Variants in GRM8 observed in about 807,000 individuals in gnomAD.
GRM8 encodes glutamate metabotropic receptor 8, also known as metabotropic glutamate receptor 8.
In GRM8, 47 loss-of-function variants were observed where a neutral mutation model predicts 87.2. The observed-to-expected ratio is 0.54, with a 90% confidence interval of 0.43 to 0.69. GRM8 has a LOEUF of 0.69. Among genes scored for constraint, GRM8 ranks in the 30% least tolerant of loss-of-function variants. The probability of loss-of-function intolerance (pLI) is 0.00; values close to 1 mark genes in which losing one functional copy is unlikely to be tolerated. For missense variants in GRM8, 1,019 were observed against 1,139.2 expected (o/e 0.89, Z 1.52); for synonymous variants, 396 against 404.5 (o/e 0.98, Z 0.25).
intron 3 of GRM8, among the ~76,000 whole-genome samples, chr7:126,956,716 G>A (rs1808723972): frequency 6.6e-6 from 1 of 152,074 alleles, no homozygotes. Context: ...TTATTAACCT[G>A]ACAGGAACAT....
intron 6 of GRM8, among the ~76,000 whole-genome samples, chr7:126,773,071 G>A (rs79958697): frequency 0.031 from 4,681 of 152,034 alleles, 231 homozygotes; most frequent in African/African-American, 0.11. Context: ...GGAGGGAAAG[G>A]AGGATGCAGC....
intron 7 of GRM8, among the ~76,000 whole-genome samples, chr7:126,613,658 A>G (rs531266043): frequency 6.6e-6 from 1 of 152,314 alleles, no homozygotes; most frequent in African/African-American, 2.4e-5. Flanking sequence ...CGGCACCTGG[A>G]AAATCAGGTC....
chr7:126,602,963 G>A (rs1326225653), intron 8 of GRM8, among the ~76,000 whole-genome samples: 1 of 140,570 alleles, frequency 7.1e-6, no homozygotes, highest in African/African-American at 2.5e-5. Flanking sequence ...TATCCTTGAT[G>A]AACATTGATG....
chr7:126,598,013 T>G (rs574487643), intron 8 of GRM8, among the ~76,000 whole-genome samples: 45 of 152,114 alleles, frequency 3.0e-4, no homozygotes, highest in Admixed American at 5.2e-4. Flanking sequence ...ACACTAGAAC[T>G]CCTTCCTTCT....
At chr7:127,147,008 T>C (rs1828587888) in intron 2 of GRM8, among the ~76,000 whole-genome samples, 1 of 152,052 alleles carries the variant, frequency 6.6e-6, no homozygotes, top group African/African-American at 2.4e-5. Context: ...GGAAGCTCTT[T>C]GGTAGGCATT....
intron 8 of GRM8, among the ~76,000 whole-genome samples, chr7:126,551,773 T>C (rs1792615764): frequency 6.6e-6 from 1 of 152,102 alleles, no homozygotes. Context: ...AAAGGGAACG[T>C]AGCTAGCTTT....
intron 3 of GRM8, among the ~76,000 whole-genome samples, chr7:127,039,682 G>T: frequency 2.3e-5 from 2 of 85,494 alleles, no homozygotes; most frequent in Non-Finnish European, 5.2e-5. Context: ...GGGCAAGAGA[G>T]GGGAAGGGGA....
In GRM8 at chr7:127,229,472, G is replaced by T. The variant is rs915981635; in HGVS notation, c.510+13223C>A. On this transcript the variant is annotated intron_variant, in intron 2 of 10. Transcript: ENST00000339582. ...ATGCCTGGGCTACATGAATATAAAT[G>T]AAATAAAGCTATCCAAACTAAAAAA... 58 of 152,104 alleles carry T rather than the reference G, an allele frequency of 3.8e-4. 1 individual carries two copies. Among genetic ancestry groups the T allele is most frequent in the Admixed American group, 1.3e-4 (2 of 15,250 alleles). The allele number at this position is 152,104 out of a possible 1,614,324, so 9.4% of individuals were successfully genotyped here. A position where few individuals can be genotyped will look rare whatever the true frequency, so the allele number is the denominator to read the frequency against.
At chr7:126,633,370 TC>T (rs1801533406) in intron 7 of GRM8, among the ~76,000 whole-genome samples, 1 of 152,178 alleles carries the variant, frequency 6.6e-6, no homozygotes, top group South Asian at 2.1e-4. Context: ...TGTAGTTTCA[TC>T]TAAAAGATGT....
chr7:127,116,850 T>C (rs1389499240), intron 2 of GRM8, among the ~76,000 whole-genome samples: 1 of 152,148 alleles, frequency 6.6e-6, no homozygotes, highest in African/African-American at 2.4e-5. Context: ...CCCATGCATA[T>C]TACAAATAAT....
At chr7:126,668,893 TTTGGG>T (rs1449348979) in intron 7 of GRM8, among the ~76,000 whole-genome samples, 1 of 152,192 alleles carries the variant, frequency 6.6e-6, no homozygotes, top group Non-Finnish European at 1.5e-5. Flanking sequence ...TTGATGGACA[TTTGGG>T]TTGGTTCCAA....
At chr7:126,898,764 A>G (rs976846394) in intron 6 of GRM8, among the ~76,000 whole-genome samples, 2 of 152,192 alleles carry the variant, frequency 1.3e-5, no homozygotes, top group African/African-American at 2.4e-5. Flanking sequence ...CTTAGAAAAT[A>G]TGATTTTTTT....
intron 6 of GRM8, among the ~76,000 whole-genome samples, chr7:126,849,939 C>T (rs1174454251): frequency 6.6e-6 from 1 of 152,188 alleles, no homozygotes; most frequent in East Asian, 1.9e-4. Context: ...TTTGTCCAAT[C>T]AGTATAGAAA....
intron 2 of GRM8, among the ~76,000 whole-genome samples, chr7:127,210,710 C>T (rs990927794): frequency 6.6e-6 from 1 of 152,178 alleles, no homozygotes; most frequent in Non-Finnish European, 1.5e-5. Flanking sequence ...ATGGTCTTCA[C>T]CACCACCAGT....
intron 9 of GRM8, among the ~76,000 whole-genome samples, chr7:126,503,147 T>A (rs1809900134): frequency 6.6e-6 from 1 of 151,976 alleles, no homozygotes; most frequent in Non-Finnish European, 1.5e-5. Context: ...CTAGCCTTCA[T>A]CTTCTCCTGT....
At chr7:127,120,805 T>A (rs755473640) in intron 2 of GRM8, among the ~76,000 whole-genome samples, 48 of 152,322 alleles carry the variant, frequency 3.2e-4, no homozygotes, top group Non-Finnish European at 6.5e-4. Flanking sequence ...CATCTCCTGA[T>A]CATTAGAAAT....
chr7:127,045,532 T>TA (rs1462447823), intron 3 of GRM8, among the ~76,000 whole-genome samples: 2 of 152,198 alleles, frequency 1.3e-5, no homozygotes, highest in African/African-American at 4.8e-5. Flanking sequence ...GTATTCTACA[T>TA]ACAGTCATAA....
chr7:126,980,103 G>A (rs1372350529), intron 3 of GRM8, among the ~76,000 whole-genome samples: 1 of 152,156 alleles, frequency 6.6e-6, no homozygotes, highest in African/African-American at 2.4e-5. Context: ...CTCAATTTGG[G>A]CAAACATTGT....
intron 2 of GRM8, among the ~76,000 whole-genome samples, chr7:127,176,166 A>T (rs1587202242): frequency 6.6e-6 from 1 of 152,328 alleles, no homozygotes; most frequent in East Asian, 1.9e-4. Context: ...CTAGACCACT[A>T]TTAAAAAAAT....
Sources: allele counts gnomAD v4.1 joint callset (sites outside exome capture counted in the v4.1 genomes callset), GRCh38; gene constraint gnomAD v4.1.1; transcripts MANE v1.5; gene names NCBI Gene and HGNC (gene_info 2026-07-23, HGNC 2026-07-21).